The following ZMYND11 variants were observed in gnomAD, a reference collection of about 807,000 sequenced individuals.
ZMYND11 encodes the protein zinc finger MYND domain-containing protein 11.
Under a neutral mutation model 84.9 loss-of-function variants are expected in ZMYND11, and 9 were observed. The observed-to-expected ratio is 0.11, with a 90% confidence interval of 0.06 to 0.18. ZMYND11 has a LOEUF of 0.18. ZMYND11 is among the 10% of genes least tolerant of loss of function. ZMYND11 has a pLI of 1.00. For synonymous variants in ZMYND11, 250 were observed against 244.1 expected (o/e 1.02, Z -0.23); for missense variants, 409 against 761.0 (o/e 0.54, Z 5.44).
chr10:236,933 A>G lies in ZMYND11; in HGVS notation c.516+18A>G. The G allele has an allele frequency of 6.3e-7, 1 of 1,597,230 alleles. No individual in the cohort carries two copies. The highest frequency in any genetic ancestry group is 8.5e-7 in the Non-Finnish European group (1 of 1,171,608). On this transcript the variant is annotated intron_variant, in intron 5 of 14. Transcript: ENST00000381604. Reference sequence around the variant, plus strand: ...AGGAGAGGGTGAGTCCTGCTCAGGGAATCTTTCAAAATATCCCAAAACACA... The same window carrying G: ...AGGAGAGGGTGAGTCCTGCTCAGGGGATCTTTCAAAATATCCCAAAACACA...
chr10:181,829 A>G (rs1847948989), intron 2 of ZMYND11, among the ~76,000 whole-genome samples: 1 of 152,214 alleles, frequency 6.6e-6, no homozygotes, highest in Non-Finnish European at 1.5e-5. Flanking sequence ...CATTATTTTA[A>G]TTATTATGCT....
At chr10:182,395 T>C (rs1848069373) in intron 2 of ZMYND11, among the ~76,000 whole-genome samples, 1 of 152,256 alleles carries the variant, frequency 6.6e-6, no homozygotes, top group East Asian at 1.9e-4. Flanking sequence ...CCTTAACTGA[T>C]GCCAAGGCTT....
chr10:191,377 A>T (rs1940345162), intron 2 of ZMYND11, among the ~76,000 whole-genome samples: 1 of 152,184 alleles, frequency 6.6e-6, no homozygotes, highest in South Asian at 2.1e-4. Context: ...TCAAAACATG[A>T]TCATCTGCAT....
intron 2 of ZMYND11, among the ~76,000 whole-genome samples, chr10:180,728 G>C (rs1322635619): frequency 6.6e-6 from 1 of 152,162 alleles, no homozygotes; most frequent in Non-Finnish European, 1.5e-5. Flanking sequence ...AACACCTTTA[G>C]TGAATCACTT....
chr10:208,336 G>A (rs1174917028), intron 2 of ZMYND11, among the ~76,000 whole-genome samples: 3 of 152,096 alleles, frequency 2.0e-5, no homozygotes, highest in Non-Finnish European at 2.9e-5. Flanking sequence ...AAAAGAAACT[G>A]CCATCAGAGT....
chr10:149,451 C>T (rs1554756368), intron 1 of ZMYND11, among the ~76,000 whole-genome samples: 2 of 152,118 alleles, frequency 1.3e-5, no homozygotes, highest in Non-Finnish European at 2.9e-5. Context: ...GCTGAGACTA[C>T]AGGCGCCTAC....
intron 1 of ZMYND11, among the ~76,000 whole-genome samples, chr10:174,094 AAC>A (rs1846000261): frequency 6.6e-6 from 1 of 152,212 alleles, no homozygotes; most frequent in Non-Finnish European, 1.5e-5. Flanking sequence ...TGCACATAAA[AAC>A]ATGCACATGG....
Position 145,262 on chromosome 10 carries a change from A to G in ZMYND11, c.-20+9703A>G, listed in dbSNP as rs140870331. Among the ~76,000 whole-genome samples, 712 of 150,910 alleles carry G rather than the reference A, an allele frequency of 4.7e-3. 7 individuals carry two copies. The highest frequency in any genetic ancestry group is 0.017 in the African/African-American group (679 of 41,086). ...TGTGTGTATGTATATATATATATGTATATATATATCACTTTTTCTTTTTCC... is the reference window on the plus strand; with the variant it reads ...TGTGTGTATGTATATATATATATGTGTATATATATCACTTTTTCTTTTTCC... On this transcript the variant is annotated intron_variant, in intron 1 of 14. Transcript: ENST00000381604.
chr10:247,604 A>G, intron 12 of ZMYND11, 138 bp downstream of exon 12: 1 of 913,828 alleles, frequency 1.1e-6, no homozygotes, highest in South Asian at 1.6e-5. Flanking sequence ...CAGTCAAATC[A>G]TATCCATCAA....
At chr10:189,691 C>G (rs772619186) in intron 2 of ZMYND11, among the ~76,000 whole-genome samples, 2 of 152,150 alleles carry the variant, frequency 1.3e-5, no homozygotes, top group African/African-American at 4.8e-5. Context: ...GGGTTGTTGT[C>G]TAGCTGTTTT....
At chr10:177,412 T>G (rs782805516) in intron 1 of ZMYND11, among the ~76,000 whole-genome samples, 3 of 152,172 alleles carry the variant, frequency 2.0e-5, no homozygotes, top group Admixed American at 1.3e-4. Context: ...TTATTTTCTG[T>G]GACTTGATTC....
At chr10:133,881 A>T (rs561680541), upstream of ZMYND11, among the ~76,000 whole-genome samples, 35 of 152,348 alleles carry the variant, frequency 2.3e-4, no homozygotes, top group South Asian at 7.3e-3. Context: ...GAGGGCTGTG[A>T]ATAGCATGAA....
intron 2 of ZMYND11, among the ~76,000 whole-genome samples, chr10:188,153 A>G (rs1939266838): frequency 6.6e-6 from 1 of 152,176 alleles, no homozygotes; most frequent in Non-Finnish European, 1.5e-5. Flanking sequence ...TTTAACAGTA[A>G]TATTAAATAT....
At position 239,530 on chromosome 10, in the gene ZMYND11, A is replaced by C; in HGVS notation, c.697+5A>C. 1.1e-5 allele frequency: 17 copies of C among 1,490,314 alleles called. No individual in the cohort carries two copies. The highest frequency in any genetic ancestry group is 1.5e-5 in the Non-Finnish European group (17 of 1,119,322). The allele number at this position is 1,490,314 out of a possible 1,614,324, so 92.3% of individuals were successfully genotyped here. A position where few individuals can be genotyped will look rare whatever the true frequency, so the allele number is the denominator to read the frequency against. ...ATACCGTGATTTTCTATGGAGGTTG[A>C]ATATTTTTGTTTTTTTTGTATGCAT... On this transcript the variant is annotated splice_donor_5th_base_variant and intron_variant, in intron 7 of 14. Transcript: ENST00000381604.
chr10:248,002 CAAT>C (rs1207184366), intron 12 of ZMYND11, among the ~76,000 whole-genome samples: 1 of 152,032 alleles, frequency 6.6e-6, no homozygotes, highest in Admixed American at 6.5e-5. Flanking sequence ...TATAAGTTGA[CAAT>C]AATTTTTATA....
chr10:144,437 A>G (rs1345160677), intron 1 of ZMYND11, among the ~76,000 whole-genome samples: 1 of 151,922 alleles, frequency 6.6e-6, no homozygotes, highest in African/African-American at 2.4e-5. Flanking sequence ...GCCCAGGATC[A>G]TCTCGAACAC....
At chr10:242,209 C>G in intron 10 of ZMYND11, 70 bp downstream of exon 10, 1 of 1,562,304 alleles carries the variant, frequency 6.4e-7, no homozygotes, top group South Asian at 1.2e-5. Flanking sequence ...TTGATGATTT[C>G]TCCATCAGAG....
At chr10:165,408 C>G (rs1332396381) in intron 1 of ZMYND11, among the ~76,000 whole-genome samples, 3 of 152,054 alleles carry the variant, frequency 2.0e-5, no homozygotes, top group Non-Finnish European at 4.4e-5. Flanking sequence ...AGTTACCATG[C>G]TTAGGTGCCT....
At chr10:197,058 A>T (rs796649114) in intron 2 of ZMYND11, among the ~76,000 whole-genome samples, 349 of 83,940 alleles carry the variant, frequency 4.2e-3, no homozygotes, top group Admixed American at 6.2e-3. Flanking sequence ...CACGTGCGCA[A>T]TGTGTTCATG....
Sources: allele counts gnomAD v4.1 joint callset (sites outside exome capture counted in the v4.1 genomes callset), GRCh38; gene constraint gnomAD v4.1.1; transcripts MANE v1.5; gene names NCBI Gene and HGNC (gene_info 2026-07-23, HGNC 2026-07-21).